The following GPC6 variants were observed in gnomAD, a reference collection of about 807,000 sequenced individuals.
GPC6 encodes glypican 6.
A neutral mutation model predicts 55.2 loss-of-function variants in GPC6; 14 were observed. The observed-to-expected ratio is 0.25, with a 90% CI of 0.17 to 0.40. The LOEUF (loss-of-function observed/expected upper bound fraction) is 0.40. Ranked by LOEUF, GPC6 falls within the 10% of genes least tolerant of loss-of-function variation. The pLI is 1.00. For missense variants in GPC6, 641 were observed against 708.5 expected (o/e 0.90, Z 1.08); for synonymous variants, 278 against 259.6 (o/e 1.07, Z -0.68).
intron 7 of GPC6, among the ~76,000 whole-genome samples, chr13:94,390,616 C>T (rs1490428871): frequency 2.0e-5 from 3 of 152,078 alleles, no homozygotes; most frequent in African/African-American, 7.2e-5. Context: ...GAGAACAACA[C>T]CAAAGGGGAA....
Position 94,245,191 on chromosome 13 carries a change from T to C in GPC6, c.878-41158T>C, listed in dbSNP as rs147088214. Reference sequence around the variant, plus strand: ...CCACTTCCTCTTCCCAGCCCAATCCTGGTAACTACTGTTTTATTCTCTATC... The same window carrying C: ...CCACTTCCTCTTCCCAGCCCAATCCCGGTAACTACTGTTTTATTCTCTATC... On this transcript the variant is annotated intron_variant, in intron 4 of 8. Transcript: ENST00000377047. 2.1e-3 allele frequency among the ~76,000 whole-genome samples: 319 copies of C among 152,214 alleles called. 1 individual carries two copies. Among genetic ancestry groups the C allele is most frequent in the African/African-American group, 7.4e-3 (307 of 41,552 alleles).
chr13:94,108,120 A>C (rs748678517), intron 4 of GPC6, among the ~76,000 whole-genome samples: 1 of 152,208 alleles, frequency 6.6e-6, no homozygotes, highest in Admixed American at 6.5e-5. Flanking sequence ...CGCAACTGCA[A>C]AAATGTGGAA....
At chr13:93,573,767 C>T (rs1211709766) in intron 2 of GPC6, among the ~76,000 whole-genome samples, 1 of 152,064 alleles carries the variant, frequency 6.6e-6, no homozygotes. Context: ...CCCAACACAC[C>T]CACATATACC....
At chr13:93,511,176 G>A (rs888964103) in intron 1 of GPC6, among the ~76,000 whole-genome samples, 6 of 149,602 alleles carry the variant, frequency 4.0e-5, no homozygotes, top group African/African-American at 1.2e-4. Flanking sequence ...TTCTTTTGCT[G>A]TGCAGAAGCA....
At position 94,407,966 on chromosome 13, in the gene GPC6, A is replaced by G. The variant is rs1881429046; in HGVS notation, c.*4749A>G. Among the ~76,000 whole-genome samples the G allele has an allele frequency of 6.6e-6, 1 of 152,222 alleles. No homozygotes were observed. Among genetic ancestry groups the G allele is most frequent in the South Asian group, 2.1e-4 (1 of 4,836 alleles). On this transcript the variant is annotated 3_prime_UTR_variant, in exon 9 of 9. Coordinates refer to ENST00000377047, the MANE Select transcript of GPC6 (RefSeq NM_005708.5). ...ATGCAGCTAATCATAATTATTACAG[A>G]TAAATAATGTATTTCAAGAATGATC...
chr13:93,416,411 T>C (rs942437387), intron 1 of GPC6, among the ~76,000 whole-genome samples: 2 of 152,100 alleles, frequency 1.3e-5, no homozygotes, highest in Non-Finnish European at 2.9e-5. Flanking sequence ...TTTTCGATTT[T>C]TGTGAATACA....
chr13:93,871,487 A>G (rs1025730091), intron 3 of GPC6, among the ~76,000 whole-genome samples: 1 of 151,964 alleles, frequency 6.6e-6, no homozygotes, highest in Non-Finnish European at 1.5e-5. Flanking sequence ...ATCTGTGCTC[A>G]TCGTCTTTTC....
At chr13:93,784,938 G>A (rs2138913143) in intron 2 of GPC6, among the ~76,000 whole-genome samples, 1 of 152,192 alleles carries the variant, frequency 6.6e-6, no homozygotes, top group Non-Finnish European at 1.5e-5. Context: ...TAGATAAATT[G>A]AATTTAAATG....
chr13:94,320,010 G>A (rs1453863523), intron 6 of GPC6, among the ~76,000 whole-genome samples: 2 of 152,150 alleles, frequency 1.3e-5, no homozygotes, highest in East Asian at 1.9e-4. Context: ...GACTGGACAT[G>A]TGAGACTGTC....
intron 4 of GPC6, among the ~76,000 whole-genome samples, chr13:94,174,403 G>T (rs1000488996): frequency 6.6e-6 from 1 of 152,076 alleles, no homozygotes. Context: ...ATGGGGAAAT[G>T]AAAAACATTC....
chr13:94,138,989 C>T (rs76742078), intron 4 of GPC6, among the ~76,000 whole-genome samples: 3,935 of 152,030 alleles, frequency 0.026, 84 homozygotes, highest in African/African-American at 0.052. Context: ...ATAGGAGGGG[C>T]GCCTGTCCCA....
chr13:93,598,666 TA>T (rs549982682), intron 2 of GPC6, among the ~76,000 whole-genome samples: 15 of 152,168 alleles, frequency 9.9e-5, no homozygotes, highest in East Asian at 9.7e-4. Flanking sequence ...AAATGTGACT[TA>T]AAAAAAATCA....
intron 2 of GPC6, among the ~76,000 whole-genome samples, chr13:93,657,170 T>G (rs1339544201): frequency 6.6e-6 from 1 of 151,928 alleles, no homozygotes; most frequent in East Asian, 1.9e-4. Context: ...GGAACAAAGT[T>G]TGAGACATGC....
chr13:94,258,683 G>A (rs949088819), intron 4 of GPC6, among the ~76,000 whole-genome samples: 2 of 152,184 alleles, frequency 1.3e-5, no homozygotes, highest in Non-Finnish European at 2.9e-5. Context: ...CAAAGGCTTA[G>A]AGGCACAACA....
At chr13:94,379,218 A>G (rs1372980269) in intron 6 of GPC6, among the ~76,000 whole-genome samples, 1 of 152,254 alleles carries the variant, frequency 6.6e-6, no homozygotes, top group Non-Finnish European at 1.5e-5. Context: ...GCCATCATTC[A>G]GATATAAATG....
intron 1 of GPC6, among the ~76,000 whole-genome samples, chr13:93,264,811 A>T (rs1423095587): frequency 6.6e-6 from 1 of 152,022 alleles, no homozygotes; most frequent in Non-Finnish European, 1.5e-5. Context: ...TTATGATTGT[A>T]TTATCTTTTA....
At chr13:93,754,029 A>G (rs961938611) in intron 2 of GPC6, among the ~76,000 whole-genome samples, 1 of 152,204 alleles carries the variant, frequency 6.6e-6, no homozygotes, top group Non-Finnish European at 1.5e-5. Context: ...TAGAAGGAGC[A>G]GAGTGAAGGG....
chr13:94,134,576 A>T (rs563871871), intron 4 of GPC6, among the ~76,000 whole-genome samples: 1 of 152,206 alleles, frequency 6.6e-6, no homozygotes, highest in African/African-American at 2.4e-5. Flanking sequence ...CTCATAAATG[A>T]GGTGTCCTCC....
At chr13:94,257,381 C>T (rs1402590349) in intron 4 of GPC6, among the ~76,000 whole-genome samples, 2 of 152,170 alleles carry the variant, frequency 1.3e-5, no homozygotes, top group Non-Finnish European at 2.9e-5. Context: ...GTGGGTAGAT[C>T]AGATCTTAGA....
Sources: gnomAD v4.1 joint callset for allele counts (sites outside exome capture counted in the v4.1 genomes callset) on GRCh38, gnomAD v4.1.1 for gene constraint, MANE v1.5 for transcripts, NCBI Gene and HGNC (gene_info 2026-07-23, HGNC 2026-07-21) for gene names.